Variants in ANO3 observed in about 807,000 individuals in gnomAD.
ANO3 encodes anoctamin-3.
ANO3 carries 99 observed loss-of-function variants against 144.8 expected under a neutral mutation model. The ratio of observed to expected loss-of-function variants is 0.68; its 90% confidence interval spans 0.58 to 0.81. The LOEUF is 0.81. Ranked by LOEUF, ANO3 falls within the 30% of genes least tolerant of loss-of-function variation. ANO3 has a pLI of 0.00. For missense variants in ANO3, 905 were observed against 1,202.2 expected (o/e 0.75, Z 3.66); for synonymous variants, 414 against 392.6 (o/e 1.05, Z -0.64).
chr11:26,432,289 G>A (rs370895486), intron 1 of ANO3, among the ~76,000 whole-genome samples: 5 of 151,876 alleles, frequency 3.3e-5, no homozygotes, highest in African/African-American at 4.8e-5. Flanking sequence ...GTTTAAGTTC[G>A]CTATAGATGC....
In ANO3 at chr11:26,556,290, T is replaced by C. The variant is rs915607068; in HGVS notation, c.1386+2945T>C. Reference sequence around the variant, plus strand: ...AGGTCCTAAATTGTTTTTCATATAATTGAAAAATGACTCAACCCCTTGAAG... The same window carrying C: ...AGGTCCTAAATTGTTTTTCATATAACTGAAAAATGACTCAACCCCTTGAAG... On this transcript the variant is annotated intron_variant, in intron 13 of 26. Transcript: ENST00000256737. 4.6e-5 allele frequency among the ~76,000 whole-genome samples: 7 copies of C among 152,232 alleles called. 1 individual carries two copies.
At chr11:26,235,605 T>G (rs200113970) in intron 1 of ANO3, among the ~76,000 whole-genome samples, 2 of 152,088 alleles carry the variant, frequency 1.3e-5, no homozygotes, top group East Asian at 3.9e-4. Flanking sequence ...TTTTTTTTTT[T>G]TTTTTTGGTC....
At position 26,471,895 on chromosome 11, in the gene ANO3, G is replaced by C. The variant is rs894237981; in HGVS notation, c.432+8747G>C. ...GTAATTAAACACATAGAGGTTTCTC[G>C]AATCACCAATTTGTTTTTCCCATGA... On this transcript the variant is annotated intron_variant, in intron 4 of 26. Transcript: ENST00000256737. Among the ~76,000 whole-genome samples, 9 of 151,954 alleles carry C rather than the reference G, an allele frequency of 5.9e-5. No homozygotes were observed. The East Asian group carries it at 7.8e-4, about 13-fold the overall frequency.
rs534590787 is a variant in ANO3 at position 26,567,504 on chromosome 11, T to G, written c.1447+7725T>G. Among the ~76,000 whole-genome samples, 184 of 152,080 alleles carry G rather than the reference T, an allele frequency of 1.2e-3. 1 individual carries two copies. Among genetic ancestry groups the G allele is most frequent in the Non-Finnish European group, 1.2e-3 (84 of 67,922 alleles). On this transcript the variant is annotated intron_variant, in intron 14 of 26. Transcript: ENST00000256737. ...CCACTAGTTATGTGTTGATTTTAAA[T>G]AGCAAGTCCTCTCTTACATAATAAT...
intron 24 of ANO3, among the ~76,000 whole-genome samples, chr11:26,655,725 A>G (rs1417326181): frequency 6.6e-6 from 1 of 152,180 alleles, no homozygotes; most frequent in Admixed American, 6.6e-5. Flanking sequence ...ATAAATATAT[A>G]TGTTTAATAA....
chr11:26,304,028 A>C (rs571113999), intron 1 of ANO3, among the ~76,000 whole-genome samples: 1 of 152,164 alleles, frequency 6.6e-6, no homozygotes, highest in East Asian at 1.9e-4. Context: ...TATTTTTTTA[A>C]GTTTCTTGTG....
rs969192275 is a variant in ANO3, at chr11:26,525,764, T to C, written c.737+85T>C. Reference sequence around the variant, plus strand: ...GATATTTGATTCCCCATATCAGCAGTTGTAAATCATAGGAAGAAAAATTCT... The same window carrying C: ...GATATTTGATTCCCCATATCAGCAGCTGTAAATCATAGGAAGAAAAATTCT... On this transcript the variant is annotated intron_variant, in intron 7 of 26. Transcript: ENST00000256737. 9.1e-6 allele frequency: 9 copies of C among 992,788 alleles called. No homozygotes were observed. In the African/African-American group the frequency reaches 1.0e-4, roughly 11 times the overall value. 61.5% of individuals were successfully genotyped at this position (992,788 alleles called of 1,614,324 possible). A position where few individuals can be genotyped will look rare whatever the true frequency, so the allele number is the denominator to read the frequency against.
chr11:26,213,560 C>G (rs1055473349), intron 1 of ANO3, among the ~76,000 whole-genome samples: 2 of 152,094 alleles, frequency 1.3e-5, no homozygotes, highest in Non-Finnish European at 2.9e-5. Flanking sequence ...CTTAGAAATA[C>G]AACTTACAAG....
chr11:26,611,509 C>T (rs1852097561), intron 17 of ANO3, among the ~76,000 whole-genome samples: 2 of 152,106 alleles, frequency 1.3e-5, no homozygotes, highest in African/African-American at 4.8e-5. Flanking sequence ...TTTTTTAAGA[C>T]TAGTTTTGTG....
intron 1 of ANO3, among the ~76,000 whole-genome samples, chr11:26,416,063 A>T (rs754196513): frequency 2.6e-5 from 4 of 152,066 alleles, no homozygotes; most frequent in Non-Finnish European, 5.9e-5. Context: ...TTCTTATTGA[A>T]TTCCATTTTA....
chr11:26,624,071 C>T lies in ANO3; in HGVS notation c.1837-391C>T, dbSNP rs139810191. Reference sequence around the variant, plus strand: ...AAAGTGCTGGGATTACAGGCGTGAGCCACCGCGCCCGGCCAAAAAACTGTA... The same window carrying T: ...AAAGTGCTGGGATTACAGGCGTGAGTCACCGCGCCCGGCCAAAAAACTGTA... On this transcript the variant is annotated intron_variant, in intron 17 of 26. Coordinates refer to ENST00000256737, the MANE Select transcript of ANO3 (RefSeq NM_031418.4). Among the ~76,000 whole-genome samples, 995 of 152,320 alleles carry T rather than the reference C, an allele frequency of 6.5e-3. 7 individuals are homozygous for T. Among genetic ancestry groups the T allele is most frequent in the Middle Eastern group, 0.01 (3 of 294 alleles).
chr11:26,314,786 A>G (rs945386621), intron 1 of ANO3, among the ~76,000 whole-genome samples: 1 of 152,164 alleles, frequency 6.6e-6, no homozygotes. Context: ...ATTAGTAATG[A>G]CTTAATAGGT....
chr11:26,523,415 T>C (rs920956196), intron 6 of ANO3, among the ~76,000 whole-genome samples: 3 of 152,200 alleles, frequency 2.0e-5, no homozygotes, highest in Admixed American at 1.3e-4. Flanking sequence ...GCGCAAGGCA[T>C]CCGCCAAAGT....
intron 1 of ANO3, among the ~76,000 whole-genome samples, chr11:26,202,687 T>C (rs1036431773): frequency 2.6e-5 from 4 of 151,688 alleles, no homozygotes; most frequent in African/African-American, 9.7e-5. Flanking sequence ...AATGTCATGG[T>C]CAACCACACG....
intron 1 of ANO3, among the ~76,000 whole-genome samples, chr11:26,410,052 T>C (rs1473959642): frequency 6.6e-6 from 1 of 151,738 alleles, no homozygotes. Context: ...ATAAAGAAAA[T>C]GCTGTTTACA....
chr11:26,655,498 C>A (rs1853657250), intron 24 of ANO3, among the ~76,000 whole-genome samples: 1 of 152,118 alleles, frequency 6.6e-6, no homozygotes, highest in Non-Finnish European at 1.5e-5. Context: ...TTAACAATAT[C>A]CCATCTGGAA....
chr11:26,659,303 AG>A (rs1853803586), intron 26 of ANO3, among the ~76,000 whole-genome samples: 1 of 152,096 alleles, frequency 6.6e-6, no homozygotes, highest in Admixed American at 6.6e-5. Flanking sequence ...AGATTCAAGC[AG>A]CCTCATTCAA....
At chr11:26,332,345 C>G (rs1301030326) in intron 1 of ANO3, 24 bp downstream of exon 1, 1 of 1,613,142 alleles carries the variant, frequency 6.2e-7, no homozygotes, top group Admixed American at 1.7e-5. Flanking sequence ...TTGCTCCCCT[C>G]TCCCTGCGGG....
chr11:26,478,799 G>T (rs576522414), intron 4 of ANO3, among the ~76,000 whole-genome samples: 177 of 152,092 alleles, frequency 1.2e-3, no homozygotes, highest in Non-Finnish European at 2.0e-3. Flanking sequence ...TATAACTAGG[G>T]GTCTCTTCTC....
Sources: allele counts gnomAD v4.1 joint callset (sites outside exome capture counted in the v4.1 genomes callset), GRCh38; gene constraint gnomAD v4.1.1; transcripts MANE v1.5; gene names NCBI Gene and HGNC (gene_info 2026-07-23, HGNC 2026-07-21).